AFF1: variants seen among roughly 807,000 people sequenced by gnomAD.
AFF1 encodes the protein AF4/FMR2 family member 1.
Under a neutral mutation model 121.7 loss-of-function variants are expected in AFF1, and 48 were observed. That is an observed-to-expected ratio of 0.39 (90% CI 0.31 to 0.50). AFF1 has a LOEUF of 0.50. Ranked by LOEUF, AFF1 falls within the 20% of genes least tolerant of loss-of-function variation. AFF1 has a pLI of 0.76. For missense variants in AFF1, 1,523 were observed against 1,511.7 expected (o/e 1.01, Z -0.12); for synonymous variants, 613 against 563.0 (o/e 1.09, Z -1.26).
chr4:87,047,802 A>C (rs1730870255), intron 4 of AFF1: 1 of 729,640 alleles, frequency 1.4e-6, no homozygotes, highest in Non-Finnish European at 2.4e-6. Context: ...TGCAGTTTGC[A>C]GAAAGGTTTA....
chr4:86,954,435 A>G (rs1412134841), intron 2 of AFF1, among the ~76,000 whole-genome samples: 1 of 152,204 alleles, frequency 6.6e-6, no homozygotes, highest in East Asian at 1.9e-4. Flanking sequence ...TGTTATTAAA[A>G]TCATTTCTAG....
At chr4:87,071,945 A>T (rs1722101750) in intron 4 of AFF1, among the ~76,000 whole-genome samples, 1 of 152,146 alleles carries the variant, frequency 6.6e-6, no homozygotes, top group Admixed American at 6.5e-5. Context: ...GGAGCTCTGG[A>T]TTAAAGGCCA....
intron 2 of AFF1, among the ~76,000 whole-genome samples, chr4:87,012,738 A>G (rs1320641169): frequency 6.6e-6 from 1 of 152,200 alleles, no homozygotes. Flanking sequence ...TCAGGAGAAA[A>G]TATGTATAAC....
chr4:86,957,053 TGGA>T (rs1560500729), intron 2 of AFF1, among the ~76,000 whole-genome samples: 1 of 152,174 alleles, frequency 6.6e-6, no homozygotes, highest in African/African-American at 2.4e-5. Context: ...GGCTGAGAGT[TGGA>T]GGAGAATGAA....
chr4:87,124,194 T>A (rs1197458892), intron 12 of AFF1, among the ~76,000 whole-genome samples: 4 of 152,250 alleles, frequency 2.6e-5, no homozygotes, highest in Admixed American at 1.3e-4. Flanking sequence ...TTAGTTGGTA[T>A]AAATGGATGC....
intron 2 of AFF1, among the ~76,000 whole-genome samples, chr4:87,021,939 G>A (rs778173885): frequency 1.8e-4 from 27 of 152,200 alleles, no homozygotes; most frequent in Non-Finnish European, 2.6e-4. Flanking sequence ...GCAGTGGCAC[G>A]CGCCTGTAAT....
At chr4:87,001,163 A>G (rs1159927396) in intron 2 of AFF1, among the ~76,000 whole-genome samples, 1 of 140,592 alleles carries the variant, frequency 7.1e-6, no homozygotes, top group Non-Finnish European at 1.5e-5. Flanking sequence ...GCACCATTTT[A>G]ATATTGATTT....
intron 4 of AFF1, chr4:87,047,920 T>C (rs1270570390): frequency 9.7e-6 from 3 of 310,770 alleles, no homozygotes; most frequent in East Asian, 1.4e-4. Flanking sequence ...CAAAACCCAA[T>C]CAAGAGAGAG....
chr4:87,061,577 A>AT (rs763208451), intron 4 of AFF1, among the ~76,000 whole-genome samples: 1 of 152,178 alleles, frequency 6.6e-6, no homozygotes, highest in Non-Finnish European at 1.5e-5. Context: ...TCTGGATTTT[A>AT]TTTTTTGTGT....
At position 87,139,604 on chromosome 4, in the gene AFF1, A is replaced by G. The variant is rs1180963886; in HGVS notation, c.*3903A>G. 1 of 230,046 alleles carries G rather than the reference A, an allele frequency of 4.3e-6. No homozygotes were observed. Among genetic ancestry groups the G allele is most frequent in the African/African-American group, 2.2e-5 (1 of 45,162 alleles). 14.3% of individuals were successfully genotyped at this position (230,046 alleles called of 1,614,324 possible). On this transcript the variant is annotated 3_prime_UTR_variant, in exon 21 of 21. Coordinates refer to ENST00000395146, the MANE Select transcript of AFF1 (RefSeq NM_001166693.3). ...CAGCCATGAAGGGATGCTAGGATCA[A>G]TTATGGCAGTACCTTTTTTCCCCTC...
chr4:87,083,219 A>G (rs1262618670), intron 4 of AFF1, among the ~76,000 whole-genome samples: 1 of 152,226 alleles, frequency 6.6e-6, no homozygotes, highest in Non-Finnish European at 1.5e-5. Flanking sequence ...TCTGGTGGTG[A>G]TACCAGCAGC....
rs1006764659 is a variant in AFF1 at position 87,022,753 on chromosome 4, TATATA to T, written c.39-23408_39-23404del. Among the ~76,000 whole-genome samples the T allele has an allele frequency of 2.3e-4, 35 of 150,116 alleles. No homozygotes were observed. In the South Asian group the frequency reaches 2.5e-3, roughly 11 times the overall value. ...ATATATATCTGTGTGTGTGTATATA[TATATA>T]ATATCATGTGTGTGTATATATATAC... On this transcript the variant is annotated intron_variant, in intron 2 of 20. Coordinates refer to ENST00000395146, the MANE Select transcript of AFF1 (RefSeq NM_001166693.3).
chr4:87,045,213 A>C (rs967040402), intron 2 of AFF1, among the ~76,000 whole-genome samples: 6 of 152,166 alleles, frequency 3.9e-5, no homozygotes, highest in Non-Finnish European at 8.8e-5. Context: ...ACAATCAAAT[A>C]TTTTCCTGTT....
chr4:87,060,615 G>T (rs371279135), intron 4 of AFF1, among the ~76,000 whole-genome samples: 25 of 152,010 alleles, frequency 1.6e-4, no homozygotes, highest in African/African-American at 6.0e-4. Flanking sequence ...GAGGCGGGTG[G>T]ATCACCTGAG....
intron 2 of AFF1, among the ~76,000 whole-genome samples, chr4:86,992,102 ACTGCT>A (rs1724776331): frequency 6.6e-6 from 1 of 152,106 alleles, no homozygotes; most frequent in African/African-American, 2.4e-5. Context: ...GGATTCTATG[ACTGCT>A]TCCTCAAGAG....
intron 12 of AFF1, among the ~76,000 whole-genome samples, chr4:87,121,905 A>G (rs1013945996): frequency 2.6e-5 from 4 of 152,222 alleles, no homozygotes; most frequent in African/African-American, 4.8e-5. Flanking sequence ...TGTGTGGTCT[A>G]TAAGGTCTGC....
chr4:87,125,141 A>C lies in AFF1; in HGVS notation c.2571A>C (p.Thr857=). Residue 857 remains threonine (T), a splice_region_variant and synonymous_variant, in exon 13 of 21, where the codon ACA becomes ACC. Coordinates refer to ENST00000395146, the MANE Select transcript of AFF1 (RefSeq NM_001166693.3). ...SSSSHKESSK[T]KPSRPSSQSS... Reference sequence around the variant, plus strand: ...CCTCCCACAAAGAATCTTCTAAAACAAAGTGAGTATAGAGATTAGCAACCA... The same window carrying C: ...CCTCCCACAAAGAATCTTCTAAAACCAAGTGAGTATAGAGATTAGCAACCA... The C allele has an allele frequency of 6.2e-7, 1 of 1,607,720 alleles. No individual in the cohort carries two copies. Among genetic ancestry groups the C allele is most frequent in the Non-Finnish European group, 8.5e-7 (1 of 1,176,236 alleles).
In AFF1 at chr4:87,091,848, G is replaced by T; in HGVS notation, c.1228+19G>T. The T allele has an allele frequency of 6.5e-7, 1 of 1,546,600 alleles. No homozygotes were observed. Among genetic ancestry groups the T allele is most frequent in the Non-Finnish European group, 8.8e-7 (1 of 1,142,166 alleles). On this transcript the variant is annotated intron_variant, in intron 7 of 20. Transcript: ENST00000395146. ...AACCAAAGTAAGTAAATTTGAAACT[G>T]CTTATTGGATTGGAGAACAAAGCAT...
intron 4 of AFF1, among the ~76,000 whole-genome samples, chr4:87,071,233 A>G (rs1722023131): frequency 7.0e-6 from 1 of 143,412 alleles, no homozygotes; most frequent in African/African-American, 2.6e-5. Context: ...AAACTGGTGT[A>G]TTTTATTCCA....
Sources: allele counts gnomAD v4.1 joint callset (sites outside exome capture counted in the v4.1 genomes callset), GRCh38; gene constraint gnomAD v4.1.1; transcripts MANE v1.5; gene names NCBI Gene and HGNC (gene_info 2026-07-23, HGNC 2026-07-21).